Variants in DOCK3 observed in about 807,000 individuals in gnomAD.
DOCK3 encodes the protein dedicator of cytokinesis 3.
In DOCK3, 60 loss-of-function variants were observed where a neutral mutation model predicts 265.6. The observed-to-expected ratio is 0.23, with a 90% CI of 0.18 to 0.28. The LOEUF is 0.28. DOCK3 is among the 10% of genes least tolerant of loss of function. The pLI, the probability that DOCK3 is intolerant of heterozygous loss-of-function variation, is 1.00. For missense variants in DOCK3, 1,981 were observed against 2,594.3 expected (o/e 0.76, Z 5.14); for synonymous variants, 881 against 938.0 (o/e 0.94, Z 1.11).
At chr3:50,803,805 C>G (rs1467651084) in intron 2 of DOCK3, among the ~76,000 whole-genome samples, 1 of 149,000 alleles carries the variant, frequency 6.7e-6, no homozygotes, top group African/African-American at 2.5e-5. Context: ...CCCCCCACCT[C>G]CCTCCTGGAA....
intron 38 of DOCK3, among the ~76,000 whole-genome samples, chr3:51,346,258 T>G (rs1476165311): frequency 7.9e-5 from 12 of 152,106 alleles, no homozygotes; most frequent in Admixed American, 7.9e-4. Flanking sequence ...TCATTTACAT[T>G]AGGTATATCT....
intron 27 of DOCK3, among the ~76,000 whole-genome samples, chr3:51,289,044 CAAAAT>C (rs1227296356): frequency 6.6e-5 from 10 of 151,706 alleles, no homozygotes; most frequent in African/African-American, 2.2e-4. Flanking sequence ...ACAGGAGTGA[CAAAAT>C]AGAGAAACAG....
intron 6 of DOCK3, among the ~76,000 whole-genome samples, chr3:51,071,200 G>A (rs1466110349): frequency 6.6e-6 from 1 of 152,176 alleles, no homozygotes; most frequent in Non-Finnish European, 1.5e-5. Context: ...AAAGAATATT[G>A]GGTCAGGATT....
chr3:50,802,413 A>G (rs989236351), intron 2 of DOCK3, among the ~76,000 whole-genome samples: 2 of 152,030 alleles, frequency 1.3e-5, no homozygotes, highest in Non-Finnish European at 2.9e-5. Context: ...TTTTACTTCC[A>G]GATATAAGAC....
chr3:51,156,774 C>T lies in DOCK3; in HGVS notation c.829-2470C>T, dbSNP rs116834003. 2.3e-3 allele frequency among the ~76,000 whole-genome samples: 348 copies of T among 152,248 alleles called. 2 individuals are homozygous for T. Among genetic ancestry groups the T allele is most frequent in the African/African-American group, 8.0e-3 (334 of 41,540 alleles). On this transcript the variant is annotated intron_variant, in intron 10 of 52. Coordinates refer to ENST00000266037, the MANE Select transcript of DOCK3 (RefSeq NM_004947.5). ...CTTAAGGCTTCTTTTATTCACTCAG[C>T]AGAGTCAAGGGAAACATTTAGCTTG... is the stretch of plus-strand genomic sequence containing the variant.
At chr3:51,035,891 A>C (rs189701389) in intron 5 of DOCK3, among the ~76,000 whole-genome samples, 8 of 152,292 alleles carry the variant, frequency 5.3e-5, no homozygotes, top group African/African-American at 1.9e-4. Flanking sequence ...ATTTAAACAC[A>C]GAAGTCAGGG....
intron 2 of DOCK3, among the ~76,000 whole-genome samples, chr3:50,821,140 C>CTTTTTTTTTTTTTTTTTTT (rs771111717): frequency 4.6e-4 from 55 of 119,416 alleles, no homozygotes; most frequent in African/African-American, 6.1e-4. Flanking sequence ...TTTCTTTTTT[C>CTTTTTTTTTTTTTTTTTTT]TTTTTTTTTT....
At chr3:50,961,519 G>C (rs2076885760) in intron 5 of DOCK3, among the ~76,000 whole-genome samples, 1 of 152,190 alleles carries the variant, frequency 6.6e-6, no homozygotes, top group South Asian at 2.1e-4. Context: ...TCTGAAGAAA[G>C]TGGTTTAGGC....
chr3:51,358,180 C>T, intron 46 of DOCK3, 103 bp downstream of exon 46: 1 of 1,214,370 alleles, frequency 8.2e-7, no homozygotes, highest in Non-Finnish European at 1.2e-6. Flanking sequence ...GGAGCCTGGG[C>T]AGGGGCCGGG....
At chr3:51,010,747 G>T (rs1239085337) in intron 5 of DOCK3, among the ~76,000 whole-genome samples, 1 of 152,176 alleles carries the variant, frequency 6.6e-6, no homozygotes, top group Non-Finnish European at 1.5e-5. Flanking sequence ...CGCTTTTTCA[G>T]TGACTGGTAC....
intron 22 of DOCK3, among the ~76,000 whole-genome samples, chr3:51,249,976 C>G (rs1023781986): frequency 1.6e-4 from 24 of 151,678 alleles, no homozygotes; most frequent in African/African-American, 5.6e-4. Context: ...TGACCTTACC[C>G]CCAACCCTGT....
intron 38 of DOCK3, among the ~76,000 whole-genome samples, chr3:51,344,418 C>A (rs2085430547): frequency 6.6e-6 from 1 of 152,172 alleles, no homozygotes. Flanking sequence ...GTCAGGAGTT[C>A]AAGACCAGCT....
At chr3:50,995,928 G>A (rs1422184408) in intron 5 of DOCK3, among the ~76,000 whole-genome samples, 1 of 152,050 alleles carries the variant, frequency 6.6e-6, no homozygotes, top group Non-Finnish European at 1.5e-5. Context: ...ACTGAGTCTT[G>A]CTTTGTACCC....
At chr3:50,739,576 A>G (rs2038881394) in intron 1 of DOCK3, among the ~76,000 whole-genome samples, 2 of 152,060 alleles carry the variant, frequency 1.3e-5, no homozygotes, top group South Asian at 4.1e-4. Context: ...GGGTTTTTAT[A>G]TCTTTTGTTC....
At chr3:51,040,236 C>T (rs1182095219) in intron 5 of DOCK3, among the ~76,000 whole-genome samples, 1 of 148,924 alleles carries the variant, frequency 6.7e-6, no homozygotes, top group Admixed American at 6.7e-5. Context: ...ATCAAAATGG[C>T]TTTGTGATCT....
At chr3:50,900,876 G>A (rs373520126) in intron 4 of DOCK3, 90 of 423,468 alleles carry the variant, frequency 2.1e-4, no homozygotes, top group African/African-American at 1.7e-3. Flanking sequence ...CCCACCAGAT[G>A]CCAGCCAGAG....
At chr3:51,181,232 T>C (rs1403174984) in intron 12 of DOCK3, among the ~76,000 whole-genome samples, 4 of 151,970 alleles carry the variant, frequency 2.6e-5, no homozygotes, top group Non-Finnish European at 1.5e-5. Context: ...TGGTGTGCTG[T>C]ACCTGTTAAC....
At chr3:50,945,867 C>T (rs146682237) in intron 5 of DOCK3, among the ~76,000 whole-genome samples, 4 of 152,110 alleles carry the variant, frequency 2.6e-5, no homozygotes, top group African/African-American at 9.6e-5. Context: ...TGATTTTGAG[C>T]ACTTTAGCTT....
intron 2 of DOCK3, among the ~76,000 whole-genome samples, chr3:50,832,059 C>T (rs1020270756): frequency 1.3e-5 from 2 of 152,050 alleles, no homozygotes; most frequent in African/African-American, 4.8e-5. Flanking sequence ...TATCCTTTGC[C>T]CACTTTTTGA....
Sources: allele counts gnomAD v4.1 joint callset (sites outside exome capture counted in the v4.1 genomes callset), GRCh38; gene constraint gnomAD v4.1.1; transcripts MANE v1.5; gene names NCBI Gene and HGNC (gene_info 2026-07-23, HGNC 2026-07-21).